Variants in LCTL observed in about 807,000 individuals in gnomAD.
LCTL encodes lactase-like protein.
In LCTL, 76 loss-of-function variants were observed where a neutral mutation model predicts 75.8. That is an observed-to-expected ratio of 1.00 (90% CI 0.83 to 1.21). The LOEUF (loss-of-function observed/expected upper bound fraction) is 1.21. Ranked by LOEUF, LCTL falls within the 50% of genes most tolerant of loss-of-function variation. The pLI is 0.00. For synonymous variants in LCTL, 271 were observed against 268.8 expected (o/e 1.01, Z -0.08); for missense variants, 670 against 712.4 (o/e 0.94, Z 0.68).
chr15:66,553,215 C>T lies in LCTL; in HGVS notation c.966G>A (p.Pro322=), dbSNP rs149533187. The T allele has an allele frequency of 5.5e-4, 889 of 1,601,848 alleles. 5 individuals carry two copies. Among genetic ancestry groups the T allele is most frequent in the African/African-American group, 2.3e-4 (17 of 74,546 alleles). ...AGCTCTTCTCCTGGAGTGAGAACAC[C>T]GGTAACCTCGACATCTCCAGGCCTT... The change falls in exon 9 of 13, where the codon CCG becomes CCA. Residue 322 remains proline, a synonymous_variant. Transcript: ENST00000341509.
chr15:66,561,555 G>A (rs1463200792), intron 4 of LCTL, among the ~76,000 whole-genome samples: 1 of 152,176 alleles, frequency 6.6e-6, no homozygotes, highest in African/African-American at 2.4e-5. Context: ...CTGATGCTAG[G>A]ATGAACACTC....
At chr15:66,558,171 G>T in intron 6 of LCTL, 135 bp from the exon 8 acceptor site, 2 of 615,870 alleles carry the variant, frequency 3.2e-6, no homozygotes, top group Non-Finnish European at 2.6e-6. Flanking sequence ...TCCCGATCCA[G>T]TCTTCTTTCC....
intron 6 of LCTL, among the ~76,000 whole-genome samples, chr15:66,558,451 C>T (rs1895794008): frequency 1.3e-5 from 2 of 152,136 alleles, no homozygotes; most frequent in African/African-American, 2.4e-5. Flanking sequence ...ACCAGTGACC[C>T]GCTGGCCTGC....
rs769535371 is a variant in LCTL, at chr15:66,557,872, T to A, written c.772A>T (p.Ile258Phe). Residue 258 changes from isoleucine (I) to phenylalanine (F), a missense_variant, in exon 8 of 13, where the codon ATT becomes TTT. Ile to Phe is a conservative substitution (Grantham distance 21). Transcript: ENST00000341509. ...TCCCCCCAGTCACAGTTCAATGAAATTCCCACCAGACCTTAAAAGAAAAGA... is the reference window on the plus strand; with the variant it reads ...TCCCCCCAGTCACAGTTCAATGAAAATCCCACCAGACCTTAAAAGAAAAGA... 18 of 1,613,990 alleles carry A rather than the reference T, an allele frequency of 1.1e-5. No homozygotes were observed. Among genetic ancestry groups the A allele is most frequent in the Non-Finnish European group, 1.5e-5 (18 of 1,179,984 alleles).
At chr15:66,555,292 T>A (rs1047042672) in intron 8 of LCTL, among the ~76,000 whole-genome samples, 1 of 151,658 alleles carries the variant, frequency 6.6e-6, no homozygotes, top group Non-Finnish European at 1.5e-5. Flanking sequence ...TTTTTAATTT[T>A]AATTTTAAAT....
At chr15:66,549,728 T>C (rs1400042442) in intron 12 of LCTL, 1 of 200,200 alleles carries the variant, frequency 5.0e-6, no homozygotes, top group African/African-American at 2.3e-5. Context: ...GTTGGTATAG[T>C]GGTTGGCTTT....
intron 4 of LCTL, among the ~76,000 whole-genome samples, chr15:66,562,418 CAAAA>C (rs1329118335): frequency 3.9e-4 from 56 of 143,468 alleles, no homozygotes; most frequent in African/African-American, 1.3e-3. Context: ...AAAAAAAAAA[CAAAA>C]GAAAGAAAAT....
upstream of LCTL, chr15:66,565,845 C>T (rs1896012308): frequency 6.3e-6 from 1 of 159,684 alleles, no homozygotes; most frequent in African/African-American, 2.4e-5. Flanking sequence ...GGTGCCAGCC[C>T]AGCCAGCTTA....
rs141214873 is a variant in LCTL, at chr15:66,554,189, G to A, written c.923-931C>T. On this transcript the variant is annotated intron_variant, in intron 8 of 12. Transcript: ENST00000341509. ...GCCTGTAATCCCAGCTACTTGGGAG[G>A]CTGAGGCAGGAGAGTCGCTTGAAGC... 7.2e-3 allele frequency among the ~76,000 whole-genome samples: 1,094 copies of A among 151,938 alleles called. 12 individuals carry two copies. Among genetic ancestry groups the A allele is most frequent in the African/African-American group, 0.025 (1,034 of 41,386 alleles).
intron 3 of LCTL, 110 bp downstream of exon 4, chr15:66,563,801 A>G: frequency 1.1e-6 from 1 of 931,466 alleles, no homozygotes; most frequent in Non-Finnish European, 1.7e-6. Context: ...TACCGTCAGC[A>G]ACTACGTTCA....
In LCTL at chr15:66,560,997, C is replaced by T; in HGVS notation, c.705+9G>A. 1 of 1,613,174 alleles carries T rather than the reference C, an allele frequency of 6.2e-7. No individual in the cohort carries two copies. The highest frequency in any genetic ancestry group is 8.5e-7 in the Non-Finnish European group (1 of 1,179,562). The stretch of plus-strand genomic sequence containing the variant: ...GAGGCTGTTCCTCCACCAGAAGGAC[C>T]CACCTCACCTTAATGATGTGGTGTG... On this transcript the variant is annotated intron_variant, in intron 6 of 12. Coordinates refer to ENST00000341509, the Ensembl canonical transcript of LCTL.
rs371317319 is a variant in LCTL at position 66,563,622 on chromosome 15, T to A, written c.374A>T (p.Glu125Val). 7.5e-6 allele frequency: 12 copies of A among 1,599,210 alleles called. No homozygotes were observed. The African/African-American group carries it at 1.5e-4, about 20-fold the overall frequency. ...TTCGATTCCCTTCTTGTTCACCTGC[T>A]CGGCTGCAGGTGAAATAAAAGAAGA... The change falls in exon 4 of 13, where the codon GAG (glutamate) becomes GTG (valine). Residue 125 changes from glutamate (E) to valine (V), a missense_variant. By Grantham distance (121) the Glu-to-Val change is moderately radical (BLOSUM62 -2). Coordinates refer to ENST00000341509, the Ensembl canonical transcript of LCTL.
At chr15:66,553,125 C>T (rs374082498) in exon 9 of LCTL, 25 of 1,611,778 alleles carry the variant, frequency 1.6e-5, no homozygotes, top group Non-Finnish European at 2.1e-5. Context: ...AGGGGTAGTT[C>T]CTTTCCGTGA....
chr15:66,564,684 T>G (rs750049189), exon 2 of LCTL: 1 of 1,612,426 alleles, frequency 6.2e-7, no homozygotes, highest in Non-Finnish European at 8.5e-7. Context: ...ACCTGGACCT[T>G]GTAGTAGCCG....
chr15:66,557,627 C>T (rs1215171598), intron 8 of LCTL, 95 bp downstream of exon 9: 35 of 1,255,118 alleles, frequency 2.8e-5, no homozygotes, highest in Non-Finnish European at 4.0e-5. Context: ...CTCACCCAGG[C>T]CCAGTGAGCT....
chr15:66,565,164 G>T, intron 1 of LCTL, 84 bp downstream of exon 2: 1 of 903,204 alleles, frequency 1.1e-6, no homozygotes, highest in South Asian at 1.4e-5. Context: ...CAGGAAGCAA[G>T]AACACCAAAC....
chr15:66,559,034 G>GTTTTTTT lies in LCTL; in HGVS notation c.706-1005_706-999dup, dbSNP rs929879964. ...TTAATAAGCTTGTTTTTTGTTTTTTGTTTTTTTTTTCTTGAGATGGGGTCT... is the reference window on the plus strand; with the variant it reads ...TTAATAAGCTTGTTTTTTGTTTTTTGTTTTTTTTTTTTTTTTTCTTGAGATGGGGTCT... On this transcript the variant is annotated intron_variant, in intron 6 of 12. Transcript: ENST00000341509. 2.7e-5 allele frequency among the ~76,000 whole-genome samples: 4 copies of GTTTTTTT among 147,416 alleles called. No homozygotes were observed. The East Asian group carries it at 7.9e-4, about 29-fold the overall frequency.
intron 6 of LCTL, among the ~76,000 whole-genome samples, chr15:66,559,909 A>G (rs1258861910): frequency 1.3e-5 from 2 of 152,126 alleles, no homozygotes; most frequent in African/African-American, 4.8e-5. Flanking sequence ...CAACATGGTG[A>G]AACCCTGTCT....
intron 4 of LCTL, 100 bp from the exon 6 acceptor site, chr15:66,561,415 C>G: frequency 7.5e-7 from 1 of 1,330,608 alleles, no homozygotes; most frequent in Non-Finnish European, 1.1e-6. Flanking sequence ...AGGAGGGAGG[C>G]CGCACAGGGA....
Sources: gnomAD v4.1 joint callset for allele counts (sites outside exome capture counted in the v4.1 genomes callset) on GRCh38, gnomAD v4.1.1 for gene constraint, MANE v1.5 for transcripts, NCBI Gene and HGNC (gene_info 2026-07-23, HGNC 2026-07-21) for gene names.